The following GALK2 variants were observed in gnomAD, a reference collection of about 807,000 sequenced individuals.
GALK2 encodes the protein galactokinase 2.
GALK2 carries 36 observed loss-of-function variants against 52.4 expected under a neutral mutation model. That is an observed-to-expected ratio of 0.69 (90% confidence interval 0.53 to 0.91). GALK2 has a LOEUF of 0.91. GALK2 is among the 40% of genes least tolerant of loss of function. The pLI, the probability that GALK2 is intolerant of heterozygous loss-of-function variation, is 0.00. For missense variants in GALK2, 579 were observed against 559.1 expected, an observed-to-expected ratio of 1.04 and a Z score of -0.36; for synonymous variants, 176 against 199.1, an observed-to-expected ratio of 0.88 and a Z score of 0.98.
chr15:49,155,888 T>C (rs1270004085), exon 1 of GALK2: 4 of 1,256,592 alleles, frequency 3.2e-6, no homozygotes, highest in Non-Finnish European at 4.6e-6. Context: ...TCCAGCCTCC[T>C]GGGTAAAGGA....
intron 1 of GALK2, among the ~76,000 whole-genome samples, chr15:49,171,284 G>A (rs545984486): frequency 1.8e-4 from 28 of 152,118 alleles, no homozygotes; most frequent in Non-Finnish European, 3.4e-4. Flanking sequence ...GTTTCTCTAT[G>A]TTGGTCAGGC....
chr15:49,259,065 G>A (rs2091961010), intron 5 of GALK2, among the ~76,000 whole-genome samples: 2 of 151,200 alleles, frequency 1.3e-5, no homozygotes, highest in Admixed American at 6.6e-5. Context: ...AGATGAGTAG[G>A]TTGTGAAAAT....
chr15:49,335,318 C>G (rs969427133), downstream of GALK2: 4 of 719,766 alleles, frequency 5.6e-6, no homozygotes, highest in African/African-American at 1.8e-5. Flanking sequence ...AGACATGACT[C>G]TCCTCATCAT....
At chr15:49,195,659 A>T (rs1295000071) in intron 1 of GALK2, among the ~76,000 whole-genome samples, 1 of 152,126 alleles carries the variant, frequency 6.6e-6, no homozygotes, top group African/African-American at 2.4e-5. Context: ...CTGACATTAT[A>T]AGGCTTTCTG....
intron 5 of GALK2, among the ~76,000 whole-genome samples, chr15:49,277,568 C>G (rs2032010757): frequency 6.8e-6 from 1 of 148,102 alleles, no homozygotes; most frequent in South Asian, 2.2e-4. Flanking sequence ...GAGGCCGAGG[C>G]GGGCGGATCA....
intron 2 of GALK2, among the ~76,000 whole-genome samples, chr15:49,214,664 G>C (rs1304061196): frequency 6.6e-6 from 1 of 151,826 alleles, no homozygotes; most frequent in Non-Finnish European, 1.5e-5. Flanking sequence ...GATTGTCTCT[G>C]TTTATATCTT....
chr15:49,184,224 C>T (rs2086182367), intron 1 of GALK2, among the ~76,000 whole-genome samples: 1 of 151,616 alleles, frequency 6.6e-6, no homozygotes, highest in South Asian at 2.1e-4. Flanking sequence ...ATATAATGAC[C>T]TTCTTTTTCT....
intron 8 of GALK2, among the ~76,000 whole-genome samples, chr15:49,307,059 G>C (rs12898877): frequency 0.067 from 10,246 of 152,302 alleles, 479 homozygotes; most frequent in East Asian, 0.18. Context: ...AGTGTGCCGA[G>C]ATGGGAGGTA....
Position 49,217,196 on chromosome 15 carries a change from A to T in GALK2, c.149A>T (p.His50Leu). 1 of 1,609,568 alleles carries T rather than the reference A, an allele frequency of 6.2e-7. No homozygotes were observed. Among genetic ancestry groups the T allele is most frequent in the Non-Finnish European group, 8.5e-7 (1 of 1,176,246 alleles). Residue 50 changes from histidine to leucine, a missense_variant, in exon 3 of 10, where the codon CAT becomes CTT. Transcript: ENST00000560031. ...APGRVNIIGE[H>L]IDYCGYSVLP... ...AGCTTTCTCTTTTTTCTAGGAGAGCATATAGATTATTGTGGATATTCTGTT... is the reference window on the plus strand; with the variant it reads ...AGCTTTCTCTTTTTTCTAGGAGAGCTTATAGATTATTGTGGATATTCTGTT...
At chr15:49,334,376 A>G (rs1443896759), downstream of GALK2, 1 of 296,908 alleles carries the variant, frequency 3.4e-6, no homozygotes, top group African/African-American at 2.3e-5. Context: ...ATTTACTGAT[A>G]TACACGTGTT....
chr15:49,349,167 G>A (rs1450333175), intron 3 of GALK2, among the ~76,000 whole-genome samples: 4 of 152,064 alleles, frequency 2.6e-5, no homozygotes, highest in African/African-American at 9.7e-5. Flanking sequence ...CTTAAACTGA[G>A]TTTGTAAGAA....
rs146332103 is a variant in GALK2 at position 49,312,604 on chromosome 15, A to G, written c.968-7000A>G. ...ATCAAGGAGACTTCTCCTTGTGATT[A>G]TATCAGCCAATTCTCCCTCTTTTGT... On this transcript the variant is annotated intron_variant, in intron 8 of 9. Coordinates refer to ENST00000560031, the MANE Select transcript of GALK2 (RefSeq NM_002044.4). 1.2e-3 allele frequency among the ~76,000 whole-genome samples: 185 copies of G among 152,200 alleles called. 1 individual carries two copies. The highest frequency in any genetic ancestry group is 4.2e-3 in the African/African-American group (173 of 41,530).
chr15:49,310,472 A>G (rs1331512697), intron 8 of GALK2, among the ~76,000 whole-genome samples: 1 of 152,232 alleles, frequency 6.6e-6, no homozygotes, highest in Admixed American at 6.5e-5. Context: ...ACTGTTTTCC[A>G]TAATGGCTGT....
chr15:49,170,952 A>G (rs1189666333), intron 1 of GALK2, among the ~76,000 whole-genome samples: 5 of 152,124 alleles, frequency 3.3e-5, no homozygotes, highest in Admixed American at 1.3e-4. Context: ...CGTTCTGACT[A>G]ATGGGGCTGA....
chr15:49,236,327 T>C (rs2090805172), intron 4 of GALK2, among the ~76,000 whole-genome samples: 1 of 152,200 alleles, frequency 6.6e-6, no homozygotes, highest in Non-Finnish European at 1.5e-5. Context: ...TCTTCTCAGC[T>C]GTGGTAATTT....
In GALK2 at chr15:49,217,271, A is replaced by G. The variant is rs1424339620; in HGVS notation, c.224A>G (p.Lys75Arg). 1 of 1,613,962 alleles carries G rather than the reference A, an allele frequency of 6.2e-7. No homozygotes were observed. Among genetic ancestry groups the G allele is most frequent in the Non-Finnish European group, 8.5e-7 (1 of 1,179,864 alleles). The part of the protein sequence containing the change: ...QDVLIAVEPV[K>R]TYALQLANTN... ...GTGCTAATAGCTGTAGAACCTGTGA[A>G]AACGTACGCTCTCCAACTGGCCAAT... Residue 75 changes from lysine to arginine, a missense_variant, in exon 3 of 10, where the codon AAA becomes AGA. By Grantham distance (26) the Lys-to-Arg change is conservative. Transcript: ENST00000560031.
In GALK2 at chr15:49,217,316, G is replaced by A. The variant is rs374328130; in HGVS notation, c.266+3G>A. ...GCCAATACAAATCCCTTGTATCCGT[G>A]AGTATTTAAAATTGTTAGTGTGTGT... On this transcript the variant is annotated splice_donor_region_variant and intron_variant, in intron 3 of 9. Transcript: ENST00000560031. 10 of 1,613,462 alleles carry A rather than the reference G, an allele frequency of 6.2e-6. No individual in the cohort carries two copies. The African/African-American group carries it at 1.3e-4, about 22-fold the overall frequency.
chr15:49,318,780 C>T (rs1038856656), intron 8 of GALK2, among the ~76,000 whole-genome samples: 1 of 152,242 alleles, frequency 6.6e-6, no homozygotes, highest in Middle Eastern at 3.4e-3. Context: ...AAGAACATGG[C>T]TCTAGGGCCA....
intron 5 of GALK2, among the ~76,000 whole-genome samples, chr15:49,247,383 C>T (rs1035353530): frequency 6.6e-6 from 1 of 151,934 alleles, no homozygotes. Context: ...GTTCTTTTAC[C>T]TGGGAGTATT....
Sources: allele counts gnomAD v4.1 joint callset (sites outside exome capture counted in the v4.1 genomes callset), GRCh38; gene constraint gnomAD v4.1.1; transcripts MANE v1.5; gene names NCBI Gene and HGNC (gene_info 2026-07-23, HGNC 2026-07-21).